The following LIN54 variants were observed in gnomAD, a reference collection of about 807,000 sequenced individuals.
LIN54 encodes protein lin-54 homolog.
A neutral mutation model predicts 78.7 loss-of-function variants in LIN54; 9 were observed. The observed-to-expected ratio is 0.11, with a 90% CI of 0.07 to 0.20. The LOEUF (loss-of-function observed/expected upper bound fraction) is 0.20, where lower values mean the gene tolerates loss of function less well. Ranked by LOEUF, LIN54 falls within the 10% of genes least tolerant of loss-of-function variation. The pLI is 1.00. For synonymous variants in LIN54, 269 were observed against 318.4 expected, an observed-to-expected ratio of 0.84 and a Z score of 1.65; for missense variants, 573 against 889.9, an observed-to-expected ratio of 0.64 and a Z score of 4.53.
chr4:82,933,037 T>G (rs913823288), intron 11 of LIN54, among the ~76,000 whole-genome samples: 20 of 152,076 alleles, frequency 1.3e-4, no homozygotes, highest in African/African-American at 4.8e-4. Context: ...ATAAACACAT[T>G]TACTCTGCTC....
chr4:83,012,154 A>C (rs986967567), upstream of LIN54: 1 of 452,356 alleles, frequency 2.2e-6, no homozygotes, highest in African/African-American at 2.1e-5. Context: ...CAATTACTTC[A>C]TCTTTAAACT....
At chr4:82,956,314 CTGGCCAACA>C (rs913157515) in intron 4 of LIN54, among the ~76,000 whole-genome samples, 1 of 150,868 alleles carries the variant, frequency 6.6e-6, no homozygotes, top group Non-Finnish European at 1.5e-5. Context: ...TTAGTCTCGC[CTGGCCAACA>C]TGGCCAACAT....
intron 4 of LIN54, among the ~76,000 whole-genome samples, chr4:82,961,531 A>AAT (rs1407270002): frequency 2.0e-5 from 3 of 152,230 alleles, no homozygotes; most frequent in African/African-American, 7.2e-5. Context: ...AGGCTGAAAA[A>AAT]AAAGAGTTCT....
chr4:82,981,379 T>C (rs1209166280), intron 2 of LIN54, among the ~76,000 whole-genome samples: 3 of 152,124 alleles, frequency 2.0e-5, no homozygotes, highest in Non-Finnish European at 4.4e-5. Context: ...TCACCTCTTT[T>C]CTTCATTTTT....
chr4:82,935,728 G>A (rs1722345038), intron 11 of LIN54, among the ~76,000 whole-genome samples: 1 of 152,060 alleles, frequency 6.6e-6, no homozygotes, highest in South Asian at 2.1e-4. Context: ...CATACTTTCT[G>A]AGCATAATGA....
intron 11 of LIN54, among the ~76,000 whole-genome samples, chr4:82,931,458 T>C (rs528190866): frequency 1.5e-4 from 23 of 152,288 alleles, no homozygotes; most frequent in African/African-American, 4.3e-4. Flanking sequence ...TCCTAAAATA[T>C]CAAAAATAAA....
chr4:82,971,295 G>C (rs2126071732), intron 3 of LIN54, among the ~76,000 whole-genome samples: 1 of 152,262 alleles, frequency 6.6e-6, no homozygotes, highest in South Asian at 2.1e-4. Flanking sequence ...TTGTAGTTAA[G>C]TTAGAGTCAT....
intron 3 of LIN54, among the ~76,000 whole-genome samples, chr4:82,971,546 A>AC (rs1725658547): frequency 1.3e-5 from 2 of 152,050 alleles, no homozygotes; most frequent in South Asian, 4.2e-4. Context: ...TTAAAAAAAA[A>AC]AAACAGGTTT....
chr4:83,009,267 T>C (rs1366303836), intron 1 of LIN54, among the ~76,000 whole-genome samples: 2 of 152,218 alleles, frequency 1.3e-5, no homozygotes, highest in East Asian at 1.9e-4. Flanking sequence ...GTGTTACATA[T>C]ACTCTTTGTA....
In LIN54 at chr4:82,926,221, A is replaced by G. The variant is rs1415609548; in HGVS notation, c.*1881T>C. On this transcript the variant is annotated 3_prime_UTR_variant, in exon 13 of 13. Coordinates refer to ENST00000340417, the MANE Select transcript of LIN54 (RefSeq NM_194282.4). ...AGTATGTACAAAATGAACAAAGTTTAAGTTTAGACCAAAAACTTATTGCAA... is the reference window on the plus strand; with the variant it reads ...AGTATGTACAAAATGAACAAAGTTTGAGTTTAGACCAAAAACTTATTGCAA... 2.0e-5 allele frequency: 3 copies of G among 152,610 alleles called. No individual in the cohort carries two copies. The highest frequency in any genetic ancestry group is 4.4e-5 in the Non-Finnish European group (3 of 68,010). 9.5% of individuals were successfully genotyped at this position (152,610 alleles called of 1,614,324 possible). A position where few individuals can be genotyped will look rare whatever the true frequency, so the allele number is the denominator to read the frequency against.
chr4:83,001,409 G>A (rs1394495499), intron 1 of LIN54, among the ~76,000 whole-genome samples: 1 of 151,994 alleles, frequency 6.6e-6, no homozygotes, highest in East Asian at 1.9e-4. Context: ...AGTTAGCCAG[G>A]TGTGGTGGTG....
At chr4:82,939,000 CCACATAA>C (rs1445674840) in intron 7 of LIN54, among the ~76,000 whole-genome samples, 2 of 152,182 alleles carry the variant, frequency 1.3e-5, no homozygotes, top group African/African-American at 4.8e-5. Context: ...TTATCAATAG[CCACATAA>C]CATGTTCCAA....
upstream of LIN54, among the ~76,000 whole-genome samples, chr4:83,011,565 T>C (rs890757203): frequency 4.0e-5 from 6 of 149,954 alleles, no homozygotes; most frequent in African/African-American, 1.5e-4. Context: ...ATTTGCCAAA[T>C]GTTTTTTTAG....
intron 1 of LIN54, among the ~76,000 whole-genome samples, chr4:83,008,587 G>A (rs1323955512): frequency 6.6e-6 from 1 of 152,196 alleles, no homozygotes; most frequent in Admixed American, 6.5e-5. Context: ...AGGACGCGGA[G>A]CTTGCAGGGA....
Position 82,926,064 on chromosome 4 carries a change from T to C in LIN54, c.*2038A>G, listed in dbSNP as rs566269262. On this transcript the variant is annotated 3_prime_UTR_variant, in exon 13 of 13. Coordinates refer to ENST00000340417, the MANE Select transcript of LIN54 (RefSeq NM_194282.4). ...AGTAGCATTTGATTGCACCTTGAAA[T>C]TTTTTTACAAGCAAAACATTCGTAA... 2 of 152,680 alleles carry C rather than the reference T, an allele frequency of 1.3e-5. No homozygotes were observed. The highest frequency in any genetic ancestry group is 4.1e-4 in the South Asian group (2 of 4,828). 9.5% of individuals were successfully genotyped at this position (152,680 alleles called of 1,614,324 possible).
intron 3 of LIN54, among the ~76,000 whole-genome samples, chr4:82,972,154 A>C (rs1725714091): frequency 6.6e-6 from 1 of 152,136 alleles, no homozygotes; most frequent in African/African-American, 2.4e-5. Context: ...TTCTGGGCTC[A>C]AATGATCCTC....
chr4:83,008,628 C>A (rs1187389985), intron 1 of LIN54, among the ~76,000 whole-genome samples: 1 of 151,964 alleles, frequency 6.6e-6, no homozygotes, highest in Non-Finnish European at 1.5e-5. Context: ...CTCTAGCCTG[C>A]GCCACTGCAC....
At chr4:82,943,108 AT>A (rs1723074731) in intron 5 of LIN54, among the ~76,000 whole-genome samples, 1 of 152,094 alleles carries the variant, frequency 6.6e-6, no homozygotes, top group Non-Finnish European at 1.5e-5. Flanking sequence ...CTTAGCGCAC[AT>A]TACTAACTAC....
rs1170580981 is a variant in LIN54, at chr4:82,936,046, G to A, written c.1780C>T (p.Arg594Cys). Residue 594 changes from arginine (R) to cysteine (C), a missense_variant, in exon 11 of 13, where the codon CGT becomes TGT. Around this residue, in one of 6 missense-constraint regions of LIN54, gnomAD observed 101 missense variants for 194.2 expected, o/e 0.52. Transcript: ENST00000340417. ...TTGCAATTACACCCTTTGCTATGAC[G>A]TCGATCAGATTCTCCCTCCTTTCCT... ...GKGKEGESDR[R>C]HSKGCNCKRS... The A allele has an allele frequency of 1.9e-6, 3 of 1,613,614 alleles. No homozygotes were observed. The highest frequency in any genetic ancestry group is 2.5e-6 in the Non-Finnish European group (3 of 1,179,652).
Sources: gnomAD v4.1 joint callset for allele counts (sites outside exome capture counted in the v4.1 genomes callset) on GRCh38, gnomAD v4.1.1 for gene constraint, gnomAD v4.1.1 regional missense constraint, MANE v1.5 for transcripts, NCBI Gene and HGNC (gene_info 2026-07-23, HGNC 2026-07-21) for gene names.